The following ZFYVE28 variants were observed in gnomAD, a reference collection of about 807,000 sequenced individuals.
ZFYVE28 encodes lateral signaling target protein 2 homolog.
A neutral mutation model predicts 82.1 loss-of-function variants in ZFYVE28; 40 were observed. That is an observed-to-expected ratio of 0.49 (90% CI 0.38 to 0.63). The LOEUF (loss-of-function observed/expected upper bound fraction) is 0.63, where lower values mean the gene tolerates loss of function less well. Ranked by LOEUF, ZFYVE28 falls within the 30% of genes least tolerant of loss-of-function variation. The pLI is 0.00. For missense variants in ZFYVE28, 1,321 were observed against 1,242.1 expected (o/e 1.06, Z -0.96); for synonymous variants, 612 against 546.1 (o/e 1.12, Z -1.68).
chr4:2,280,736 A>T (rs1484269009), intron 8 of ZFYVE28, among the ~76,000 whole-genome samples: 1 of 152,240 alleles, frequency 6.6e-6, no homozygotes, highest in Non-Finnish European at 1.5e-5. Flanking sequence ...CTGGCAGCAG[A>T]TGGCACCCTC....
intron 11 of ZFYVE28, 124 bp from the exon 12 acceptor site, chr4:2,271,538 CGG>C: frequency 7.1e-7 from 1 of 1,413,198 alleles, no homozygotes; most frequent in Middle Eastern, 1.9e-4. Context: ...AGCCAGCCTC[CGG>C]GGGGGCGGTC....
In ZFYVE28 at chr4:2,417,867, G is replaced by A. The variant is rs1183939001; in HGVS notation, c.39+418C>T. On this transcript the variant is annotated intron_variant, in intron 1 of 12. Transcript: ENST00000290974. This position sits in a 1 kb window ranked among gnomAD's most constrained non-coding sequence, Gnocchi z 4.8. ...GGTGGGGGCAGGACGGGAATGAGGG[G>A]GCATTCCTGGTGCAGGGAGGGGAGA... 1.3e-5 allele frequency among the ~76,000 whole-genome samples: 2 copies of A among 151,704 alleles called. No individual in the cohort carries two copies. The highest frequency in any genetic ancestry group is 4.2e-4 in the South Asian group (2 of 4,812).
intron 1 of ZFYVE28, chr4:2,364,763 C>T (rs1385277099): frequency 1.0e-6 from 1 of 985,432 alleles, no homozygotes; most frequent in African/African-American, 1.7e-5. Context: ...ATTCCCGCCG[C>T]CGCGCCCTCG....
intron 1 of ZFYVE28, among the ~76,000 whole-genome samples, chr4:2,391,688 G>A (rs1729846067): frequency 6.8e-6 from 1 of 147,984 alleles, no homozygotes. Flanking sequence ...TCTCCTTTCT[G>A]TATCTATAAA....
intron 2 of ZFYVE28, among the ~76,000 whole-genome samples, chr4:2,348,007 G>A (rs772075576): frequency 2.0e-5 from 3 of 152,218 alleles, no homozygotes; most frequent in Admixed American, 1.3e-4. Flanking sequence ...TAAAGCAATA[G>A]AGAAAATCAA....
At chr4:2,364,406 C>A (rs942463119) in intron 1 of ZFYVE28, 10 of 980,878 alleles carry the variant, frequency 1.0e-5, no homozygotes, top group African/African-American at 7.0e-5. Context: ...CACAGCCCCC[C>A]ACCTCTCCAA....
At chr4:2,330,047 T>A (rs2108846080) in intron 6 of ZFYVE28, 1 of 156,068 alleles carries the variant, frequency 6.4e-6, no homozygotes, top group African/African-American at 2.4e-5. Flanking sequence ...TTTATATGAA[T>A]AACCCAATAG....
At chr4:2,384,783 A>G (rs1322256327) in intron 1 of ZFYVE28, among the ~76,000 whole-genome samples, 3 of 152,228 alleles carry the variant, frequency 2.0e-5, no homozygotes, top group African/African-American at 7.2e-5. Context: ...AAAAGAAGAC[A>G]AAGGCCAGGA....
intron 7 of ZFYVE28, among the ~76,000 whole-genome samples, chr4:2,308,677 G>GAA (rs1176221450): frequency 0.32 from 23,261 of 73,066 alleles, 2,865 homozygotes; most frequent in African/African-American, 0.37. Flanking sequence ...AAGAAAGAAA[G>GAA]AGAAAGAAAG....
Position 2,339,849 on chromosome 4 carries a change from C to T in ZFYVE28, c.319-194G>A, listed in dbSNP as rs1454802865. ...ATCGTGAGGGCGATAACCGATGTCC[C>T]CCAATGTGACCCACGGGGTCCTCAC... On this transcript the variant is annotated intron_variant, in intron 3 of 12. Transcript: ENST00000290974. This position sits in a 1 kb window ranked among gnomAD's most constrained non-coding sequence, Gnocchi z 5.0. 6.6e-6 allele frequency among the ~76,000 whole-genome samples: 1 copy of T among 151,816 alleles called. No homozygotes were observed. Among genetic ancestry groups the T allele is most frequent in the Non-Finnish European group, 1.5e-5 (1 of 67,946 alleles).
intron 1 of ZFYVE28, among the ~76,000 whole-genome samples, chr4:2,387,926 C>A: frequency 6.6e-6 from 1 of 152,230 alleles, no homozygotes; most frequent in Non-Finnish European, 1.5e-5. Context: ...GCCCTGGAGG[C>A]CCACAGGAAA....
chr4:2,358,701 T>C (rs1343713117), intron 1 of ZFYVE28, among the ~76,000 whole-genome samples: 3 of 152,204 alleles, frequency 2.0e-5, no homozygotes, highest in Non-Finnish European at 2.9e-5. Flanking sequence ...TGTGACCTTA[T>C]CATGGGCTAA....
intron 8 of ZFYVE28, chr4:2,285,579 A>G (rs79235229): frequency 0.094 from 14,396 of 152,390 alleles, 1,172 homozygotes; most frequent in African/African-American, 0.22. Flanking sequence ...CGCCTTCCCA[A>G]GGAAGTCAGT....
At position 2,279,501 on chromosome 4, in the gene ZFYVE28, C is replaced by T. The variant is rs532593931; in HGVS notation, c.2052-5285G>A. Among the ~76,000 whole-genome samples the T allele has an allele frequency of 3.9e-5, 6 of 152,074 alleles. No homozygotes were observed. In the East Asian group the frequency reaches 7.7e-4, roughly 20 times the overall value. On this transcript the variant is annotated intron_variant, in intron 8 of 12. Transcript: ENST00000290974. ...CAGTCACAAAAGATCACAAACTGGC[C>T]GGGTGCAGTGGCTCACACCTGTAAT...
rs534679463 is a variant in ZFYVE28 at position 2,337,492 on chromosome 4, C to T, written c.526G>A (p.Val176Ile). ...VLFAEFELSY[V>I]SAMVPVKSPR... ...GACTTCACAGGCACCATGGCCGAGA[C>T]GTAGCTGCAAACACATGGAGACCTG... is the stretch of plus-strand genomic sequence containing the variant. The change falls in exon 5 of 13, where the codon GTC becomes ATC. Residue 176 changes from valine (V) to isoleucine (I), a missense_variant. This residue lies in a region of ZFYVE28 where 343 missense variants were observed against 408.4 expected (regional missense o/e 0.84). Coordinates refer to ENST00000290974, the MANE Select transcript of ZFYVE28 (RefSeq NM_020972.3). 1.7e-5 allele frequency: 28 copies of T among 1,604,730 alleles called. No individual in the cohort carries two copies. The highest frequency in any genetic ancestry group is 6.7e-5 in the East Asian group (3 of 44,554).
intron 6 of ZFYVE28, among the ~76,000 whole-genome samples, chr4:2,334,481 T>C (rs1721256808): frequency 6.6e-6 from 1 of 151,622 alleles, no homozygotes; most frequent in African/African-American, 2.4e-5. Flanking sequence ...TGCACCCCCA[T>C]TTCCCACGGG....
At chr4:2,285,392 T>TGACCCCGCCATGGCGCC (rs1712568296) in intron 8 of ZFYVE28, 1 of 152,290 alleles carries the variant, frequency 6.6e-6, no homozygotes, top group African/African-American at 2.4e-5. Flanking sequence ...CACGTGGCGC[T>TGACCCCGCCATGGCGCC]GACCCCGCCA....
At chr4:2,404,345 A>C (rs1022917858) in intron 1 of ZFYVE28, among the ~76,000 whole-genome samples, 6 of 15,684 alleles carry the variant, frequency 3.8e-4, no homozygotes, top group African/African-American at 1.5e-3. Flanking sequence ...AGATGGAGCT[A>C]CACAGTAATT....
At chr4:2,279,588 GC>G (rs764308140) in intron 8 of ZFYVE28, among the ~76,000 whole-genome samples, 7 of 152,098 alleles carry the variant, frequency 4.6e-5, no homozygotes. Context: ...GACCATCCTG[GC>G]TAACACGATG....
Sources: gnomAD v4.1 joint callset for allele counts (sites outside exome capture counted in the v4.1 genomes callset) on GRCh38, gnomAD v4.1.1 for gene constraint, gnomAD v4.1.1 regional missense constraint, Gnocchi (gnomAD v3.1) non-coding constraint, MANE v1.5 for transcripts, NCBI Gene and HGNC (gene_info 2026-07-23, HGNC 2026-07-21) for gene names.